MEIS2: variants seen among roughly 807,000 people sequenced by gnomAD.
MEIS2 encodes Meis homeobox 2.
A neutral mutation model predicts 58.6 loss-of-function variants in MEIS2; 9 were observed. The ratio of observed to expected loss-of-function variants is 0.15; its 90% CI spans 0.09 to 0.27. The LOEUF (loss-of-function observed/expected upper bound fraction) is 0.27. Ranked by LOEUF, MEIS2 falls within the 10% of genes least tolerant of loss-of-function variation. The pLI is 1.00. For missense variants in MEIS2, 427 were observed against 635.0 expected, an observed-to-expected ratio of 0.67 and a Z score of 3.52; for synonymous variants, 221 against 228.4, an observed-to-expected ratio of 0.97 and a Z score of 0.29.
At chr15:36,994,516 T>A (rs1316435532) in intron 8 of MEIS2, among the ~76,000 whole-genome samples, 1 of 152,172 alleles carries the variant, frequency 6.6e-6, no homozygotes, top group Non-Finnish European at 1.5e-5. Context: ...CCTTTCGTAA[T>A]GGTAAATTTT....
At chr15:37,023,578 C>A (rs561455004) in intron 8 of MEIS2, among the ~76,000 whole-genome samples, 1 of 152,320 alleles carries the variant, frequency 6.6e-6, no homozygotes, top group African/African-American at 2.4e-5. Context: ...ACTGCTCTAA[C>A]ATCTTCCCTC....
chr15:37,052,525 T>G (rs2062965858), intron 7 of MEIS2, among the ~76,000 whole-genome samples: 1 of 152,174 alleles, frequency 6.6e-6, no homozygotes, highest in African/African-American at 2.4e-5. Flanking sequence ...ATTCATATTT[T>G]TAAAGGGTGG....
At chr15:36,965,721 C>G (rs759117305) in intron 8 of MEIS2, among the ~76,000 whole-genome samples, 4 of 152,116 alleles carry the variant, frequency 2.6e-5, no homozygotes, top group Non-Finnish European at 4.4e-5. Context: ...CTAGCCCAGG[C>G]TATAGTTGCA....
intron 9 of MEIS2, among the ~76,000 whole-genome samples, chr15:36,917,165 ACT>A (rs1182675085): frequency 1.3e-5 from 2 of 152,030 alleles, no homozygotes; most frequent in East Asian, 3.9e-4. Context: ...AACCCAACAG[ACT>A]CTTTATCCGC....
intron 9 of MEIS2, among the ~76,000 whole-genome samples, chr15:36,931,310 C>T (rs1035022689): frequency 2.6e-5 from 4 of 152,114 alleles, no homozygotes; most frequent in African/African-American, 9.7e-5. Flanking sequence ...ATAGCACAAC[C>T]TTGATGGGTG....
At position 36,977,554 on chromosome 15, in the gene MEIS2, A is replaced by G. The variant is rs1351206356; in HGVS notation, c.901-27154T>C. ...ATAATGCCTACAGCACAGAGTTGTC[A>G]TATTAAAGAAGATAATTCCTGTAGT... On this transcript the variant is annotated intron_variant, in intron 8 of 11. Coordinates refer to ENST00000561208, the MANE Select transcript of MEIS2 (RefSeq NM_170675.5). 3.9e-5 allele frequency among the ~76,000 whole-genome samples: 6 copies of G among 152,322 alleles called. No individual in the cohort carries two copies. In the East Asian group the frequency reaches 1.2e-3, roughly 29 times the overall value.
chr15:36,955,129 C>A (rs1388713832), intron 8 of MEIS2, among the ~76,000 whole-genome samples: 1 of 152,086 alleles, frequency 6.6e-6, no homozygotes, highest in Non-Finnish European at 1.5e-5. Context: ...TAATTTAATA[C>A]CTTTTTCTTT....
chr15:37,056,250 C>T (rs1263605463), intron 7 of MEIS2, among the ~76,000 whole-genome samples: 1 of 151,996 alleles, frequency 6.6e-6, no homozygotes, highest in South Asian at 2.1e-4. Flanking sequence ...TTACAGTAGC[C>T]CAAAATATCA....
At chr15:37,083,161 A>G (rs1201481210) in intron 7 of MEIS2, among the ~76,000 whole-genome samples, 1 of 152,202 alleles carries the variant, frequency 6.6e-6, no homozygotes, top group Non-Finnish European at 1.5e-5. Context: ...CTTCCTCAAC[A>G]TCTGCAGTTG....
At chr15:37,094,126 G>A in intron 5 of MEIS2, 1 of 265,568 alleles carries the variant, frequency 3.8e-6, no homozygotes, top group Non-Finnish European at 7.1e-6. Context: ...ATGTTTCCAG[G>A]GGAAAGTAAT....
chr15:37,048,939 A>AT (rs1373335590), intron 7 of MEIS2, among the ~76,000 whole-genome samples: 2 of 152,272 alleles, frequency 1.3e-5, no homozygotes, highest in South Asian at 2.1e-4. Context: ...TATTTTGAAC[A>AT]TTTTTTCAAA....
chr15:36,923,159 G>T (rs1037595003), intron 9 of MEIS2, among the ~76,000 whole-genome samples: 1 of 152,146 alleles, frequency 6.6e-6, no homozygotes, highest in Non-Finnish European at 1.5e-5. Context: ...CTTAATTTCT[G>T]GAGGGCACAA....
intron 1 of MEIS2, chr15:37,099,233 C>T (rs1047728849): frequency 2.2e-5 from 31 of 1,432,876 alleles, no homozygotes; most frequent in Non-Finnish European, 2.5e-5. Context: ...CGCTGGAACA[C>T]GCGCGCCCAG....
In MEIS2 at chr15:36,958,470, A is replaced by T. The variant is rs534575587; in HGVS notation, c.901-8070T>A. Reference sequence around the variant, plus strand: ...GCAAGGAGAAATGTTACATATACATATTCTAACAGAATCAAGTGAGTTTAT... The same window carrying T: ...GCAAGGAGAAATGTTACATATACATTTTCTAACAGAATCAAGTGAGTTTAT... On this transcript the variant is annotated intron_variant, in intron 8 of 11. Coordinates refer to ENST00000561208, the MANE Select transcript of MEIS2 (RefSeq NM_170675.5). 8.5e-5 allele frequency among the ~76,000 whole-genome samples: 13 copies of T among 152,340 alleles called. No homozygotes were observed. The South Asian group carries it at 2.5e-3, about 29-fold the overall frequency.
intron 7 of MEIS2, among the ~76,000 whole-genome samples, chr15:37,074,181 A>G (rs535884984): frequency 1.3e-5 from 2 of 152,112 alleles, no homozygotes; most frequent in African/African-American, 4.8e-5. Flanking sequence ...TTTTCAAAAC[A>G]CGCCTCATAT....
chr15:36,993,732 C>T (rs2060377376), intron 8 of MEIS2, among the ~76,000 whole-genome samples: 1 of 152,120 alleles, frequency 6.6e-6, no homozygotes, highest in Admixed American at 6.6e-5. Flanking sequence ...ATAACTGAAT[C>T]TACAAATGTC....
At chr15:36,929,444 C>T (rs566153104) in intron 9 of MEIS2, among the ~76,000 whole-genome samples, 1 of 152,270 alleles carries the variant, frequency 6.6e-6, no homozygotes, top group East Asian at 1.9e-4. Context: ...TATGGAGTTT[C>T]CCTACATTTT....
Position 37,020,763 on chromosome 15 carries a change from A to C in MEIS2, c.900+16051T>G, listed in dbSNP as rs574705845. 4.4e-3 allele frequency among the ~76,000 whole-genome samples: 673 copies of C among 151,602 alleles called. 6 individuals carry two copies. Among genetic ancestry groups the C allele is most frequent in the Middle Eastern group, 0.024 (7 of 294 alleles). ...TGGCTGTGTTATGGGGGAAAAAAAA[A>C]CCCATAAACCTTTGAACTTTTCCAT... On this transcript the variant is annotated intron_variant, in intron 8 of 11. Transcript: ENST00000561208.
At chr15:36,924,346 C>G (rs560287442) in intron 9 of MEIS2, among the ~76,000 whole-genome samples, 1 of 152,170 alleles carries the variant, frequency 6.6e-6, no homozygotes, top group East Asian at 1.9e-4. Context: ...ACTGTGTGCA[C>G]GGCTGAGATC....
Sources: gnomAD v4.1 joint callset for allele counts (sites outside exome capture counted in the v4.1 genomes callset) on GRCh38, gnomAD v4.1.1 for gene constraint, MANE v1.5 for transcripts, NCBI Gene and HGNC (gene_info 2026-07-23, HGNC 2026-07-21) for gene names.